The following ADI1 variants were observed in gnomAD, a reference collection of about 807,000 sequenced individuals.
The protein encoded by ADI1 is acireductone dioxygenase.
ADI1 carries 21 observed loss-of-function variants against 18.7 expected under a neutral mutation model. That is an observed-to-expected ratio of 1.13 (90% CI 0.80 to 1.62). The LOEUF (loss-of-function observed/expected upper bound fraction) is 1.62. Among genes scored for constraint, ADI1 ranks in the 40% most tolerant of loss-of-function variants. The probability of loss-of-function intolerance (pLI) is 0.00; values close to 1 mark genes in which losing one functional copy is unlikely to be tolerated. For synonymous variants in ADI1, 90 were observed against 100.1 expected (o/e 0.90, Z 0.60); for missense variants, 245 against 254.9 (o/e 0.96, Z 0.26).
At chr2:3,512,547 G>C (rs1667313858) in intron 2 of ADI1, among the ~76,000 whole-genome samples, 1 of 152,240 alleles carries the variant, frequency 6.6e-6, no homozygotes, top group Non-Finnish European at 1.5e-5. Context: ...CACAGCTCCA[G>C]AGGGTGCAAG....
Position 3,497,946 on chromosome 2 carries a change from C to G in ADI1, c.*1017G>C, listed in dbSNP as rs548892378. ...AGTAGATCAGCACTTATTTTAATTA[C>G]TGAGATAGAGTCACACTTGACAGAA... On this transcript the variant is annotated 3_prime_UTR_variant, in exon 4 of 4. Coordinates refer to ENST00000327435, the MANE Select transcript of ADI1 (RefSeq NM_018269.4). 1.3e-5 allele frequency: 2 copies of G among 152,214 alleles called. No homozygotes were observed. The highest frequency in any genetic ancestry group is 4.8e-5 in the African/African-American group (2 of 41,528). 9.4% of individuals were successfully genotyped at this position (152,214 alleles called of 1,614,324 possible).
chr2:3,511,255 G>A (rs946428286), intron 2 of ADI1, among the ~76,000 whole-genome samples: 2 of 152,126 alleles, frequency 1.3e-5, no homozygotes, highest in Non-Finnish European at 2.9e-5. Context: ...GCTTCCTGAG[G>A]CCTCTCTAGA....
At chr2:3,502,432 A>C (rs1351572781) in intron 2 of ADI1, among the ~76,000 whole-genome samples, 1 of 150,646 alleles carries the variant, frequency 6.6e-6, no homozygotes, top group Non-Finnish European at 1.5e-5. Context: ...CAGAAAGAAA[A>C]GACAAACGGA....
intron 2 of ADI1, among the ~76,000 whole-genome samples, chr2:3,503,585 G>A (rs564660157): frequency 6.6e-6 from 1 of 151,890 alleles, no homozygotes; most frequent in South Asian, 2.1e-4. Flanking sequence ...TACTCATCCC[G>A]TCCACAGAAA....
At chr2:3,518,781 C>T (rs1374473377) in intron 1 of ADI1, among the ~76,000 whole-genome samples, 1 of 152,126 alleles carries the variant, frequency 6.6e-6, no homozygotes, top group Non-Finnish European at 1.5e-5. Flanking sequence ...GCCAGGCAGG[C>T]AGGGCGTCGG....
At chr2:3,515,078 G>T in intron 1 of ADI1, 1 of 359,360 alleles carries the variant, frequency 2.8e-6, no homozygotes. Flanking sequence ...TATGAAATCA[G>T]TACACCTTAA....
chr2:3,510,718 CAAAT>C (rs1487603194), intron 2 of ADI1, among the ~76,000 whole-genome samples: 1 of 151,986 alleles, frequency 6.6e-6, no homozygotes, highest in Non-Finnish European at 1.5e-5. Flanking sequence ...GAGAAACAAA[CAAAT>C]AATGCTCATT....
intron 2 of ADI1, among the ~76,000 whole-genome samples, chr2:3,503,080 C>T (rs1157795687): frequency 1.3e-5 from 2 of 151,882 alleles, no homozygotes; most frequent in Non-Finnish European, 2.9e-5. Flanking sequence ...CTCACACAGG[C>T]GCACTGTCAC....
intron 1 of ADI1, chr2:3,515,838 C>T (rs1667396334): frequency 4.4e-6 from 4 of 917,652 alleles, no homozygotes; most frequent in Non-Finnish European, 5.2e-6. Context: ...TATTTCTCAG[C>T]TGGCCGACAC....
chr2:3,500,195 G>T (rs934723539), intron 3 of ADI1, among the ~76,000 whole-genome samples: 1 of 152,148 alleles, frequency 6.6e-6, no homozygotes, highest in African/African-American at 2.4e-5. Context: ...GGGAACAGGG[G>T]TCAGAGGGAG....
chr2:3,514,258 A>G (rs1667352808), intron 1 of ADI1, among the ~76,000 whole-genome samples: 2 of 152,042 alleles, frequency 1.3e-5, no homozygotes, highest in South Asian at 4.1e-4. Flanking sequence ...TGGTAGTCTC[A>G]CCACCTCAGG....
intron 2 of ADI1, among the ~76,000 whole-genome samples, chr2:3,508,752 G>A (rs1378954703): frequency 2.0e-5 from 3 of 151,944 alleles, no homozygotes; most frequent in Non-Finnish European, 4.4e-5. Context: ...CAATAAAAAT[G>A]AATTAGCCAG....
intron 2 of ADI1, among the ~76,000 whole-genome samples, chr2:3,505,453 T>G (rs1314312637): frequency 6.6e-6 from 1 of 152,184 alleles, no homozygotes; most frequent in Non-Finnish European, 1.5e-5. Context: ...GGCCTCACAC[T>G]TTTGTAAATT....
At chr2:3,512,516 G>C (rs887012481) in intron 2 of ADI1, among the ~76,000 whole-genome samples, 2 of 152,190 alleles carry the variant, frequency 1.3e-5, no homozygotes, top group Non-Finnish European at 2.9e-5. Context: ...CAGATCAAAA[G>C]GGCCCAGGTA....
chr2:3,508,312 G>A (rs1667217952), intron 2 of ADI1, among the ~76,000 whole-genome samples: 1 of 119,168 alleles, frequency 8.4e-6, no homozygotes, highest in Non-Finnish European at 1.6e-5. Context: ...TTCAGCCTGG[G>A]CAACAGAGTG....
In ADI1 at chr2:3,519,477, G is replaced by T; in HGVS notation, c.11C>A (p.Ala4Asp). MVQAWYMDDAPGDP... is the reference protein window; with the variant it reads MVQDWYMDDAPGDP... ...GCCCGGGGCGTCGTCCATATACCAG[G>T]CCTGCACCATGACGCGCAGTGCGGG... The change falls in exon 1 of 4, where the codon GCC (alanine) becomes GAC (aspartate). Residue 4 changes from alanine (A) to aspartate (D), a missense_variant. Coordinates refer to ENST00000327435, the MANE Select transcript of ADI1 (RefSeq NM_018269.4). The T allele has an allele frequency of 7.6e-7, 1 of 1,310,442 alleles. No individual in the cohort carries two copies. 81.2% of individuals were successfully genotyped at this position (1,310,442 alleles called of 1,614,324 possible).
chr2:3,507,207 A>T (rs1667192839), intron 2 of ADI1, among the ~76,000 whole-genome samples: 1 of 152,224 alleles, frequency 6.6e-6, no homozygotes, highest in South Asian at 2.1e-4. Context: ...ATTATAAAAG[A>T]TGTAACATAT....
chr2:3,500,518 T>A, intron 3 of ADI1: 2 of 329,042 alleles, frequency 6.1e-6, no homozygotes. Context: ...GGCTCGTGGG[T>A]GTGTACCTGC....
At chr2:3,503,551 A>T (rs1261276842) in intron 2 of ADI1, among the ~76,000 whole-genome samples, 1 of 123,522 alleles carries the variant, frequency 8.1e-6, no homozygotes, top group East Asian at 2.3e-4. Flanking sequence ...GTACACACTC[A>T]CACACGTGCA....
Sources: allele counts gnomAD v4.1 joint callset (sites outside exome capture counted in the v4.1 genomes callset), GRCh38; gene constraint gnomAD v4.1.1; transcripts MANE v1.5; gene names NCBI Gene and HGNC (gene_info 2026-07-23, HGNC 2026-07-21).